PKIA: variants seen among roughly 807,000 people sequenced by gnomAD.
PKIA encodes the protein PKI-alpha.
A neutral mutation model predicts 7.6 loss-of-function variants in PKIA; 4 were observed. The observed-to-expected ratio is 0.52, with a 90% CI of 0.26 to 1.20. The LOEUF (loss-of-function observed/expected upper bound fraction) is 1.20. Ranked by LOEUF, PKIA falls within the 50% of genes most tolerant of loss-of-function variation. The pLI is 0.13. For synonymous variants in PKIA, 21 were observed against 30.7 expected (o/e 0.68, Z 1.04); for missense variants, 73 against 86.2 (o/e 0.85, Z 0.61).
At chr8:78,537,140 C>G (rs1176127876) in intron 1 of PKIA, among the ~76,000 whole-genome samples, 1 of 150,888 alleles carries the variant, frequency 6.6e-6, no homozygotes. Flanking sequence ...CAGCTCTTTT[C>G]TTCCCAAAAT....
intron 2 of PKIA, among the ~76,000 whole-genome samples, chr8:78,577,386 T>C (rs1361315493): frequency 2.0e-5 from 3 of 151,850 alleles, no homozygotes; most frequent in Non-Finnish European, 4.4e-5. Flanking sequence ...AAGATAACTG[T>C]TGGATACTAG....
intron 1 of PKIA, among the ~76,000 whole-genome samples, chr8:78,553,156 G>T (rs956899475): frequency 1.3e-5 from 2 of 150,944 alleles, no homozygotes; most frequent in African/African-American, 4.9e-5. Flanking sequence ...TTTGACATTG[G>T]CTGACTTTAT....
chr8:78,597,197 T>A (rs988208374), intron 2 of PKIA, among the ~76,000 whole-genome samples: 4 of 152,018 alleles, frequency 2.6e-5, no homozygotes, highest in African/African-American at 4.8e-5. Context: ...TTTCAGAAAA[T>A]TTTTTTTCTA....
At chr8:78,537,818 A>C (rs975206421) in intron 1 of PKIA, among the ~76,000 whole-genome samples, 1 of 152,000 alleles carries the variant, frequency 6.6e-6, no homozygotes. Context: ...TACTGCCTCA[A>C]ATGGGCCTTC....
chr8:78,551,390 T>C (rs181572071), intron 1 of PKIA, among the ~76,000 whole-genome samples: 14 of 152,090 alleles, frequency 9.2e-5, no homozygotes, highest in Admixed American at 2.6e-4. Context: ...AGAAAAGTAT[T>C]ACAGGCTCCA....
chr8:78,517,793 G>A (rs1019224453), intron 1 of PKIA, among the ~76,000 whole-genome samples: 7 of 152,122 alleles, frequency 4.6e-5, no homozygotes, highest in Non-Finnish European at 1.0e-4. Context: ...GGCTGTTATG[G>A]GGATTGCAAA....
chr8:78,523,927 T>C (rs1161120564), intron 1 of PKIA, among the ~76,000 whole-genome samples: 1 of 141,458 alleles, frequency 7.1e-6, no homozygotes. Context: ...TTTATATATA[T>C]ATAAATATAT....
chr8:78,539,900 A>T (rs986652994), intron 1 of PKIA, among the ~76,000 whole-genome samples: 4 of 152,104 alleles, frequency 2.6e-5, no homozygotes, highest in African/African-American at 9.7e-5. Context: ...CTACAGTTTT[A>T]TGTGAGAGAA....
intron 2 of PKIA, among the ~76,000 whole-genome samples, chr8:78,577,008 A>C (rs569101108): frequency 1.3e-5 from 2 of 152,182 alleles, no homozygotes; most frequent in South Asian, 4.1e-4. Context: ...GCCATAAAAA[A>C]GAATGAGATA....
intron 1 of PKIA, chr8:78,558,403 A>C (rs1356628622): frequency 1.3e-5 from 2 of 153,648 alleles, no homozygotes; most frequent in African/African-American, 4.8e-5. Flanking sequence ...TGGGAAGAAA[A>C]AGAGGCTTAA....
intron 2 of PKIA, among the ~76,000 whole-genome samples, chr8:78,589,426 A>G (rs1808039640): frequency 6.6e-6 from 1 of 152,224 alleles, no homozygotes; most frequent in Non-Finnish European, 1.5e-5. Context: ...AACATTTTAA[A>G]CATTTACAGG....
At chr8:78,526,382 T>C (rs560920947) in intron 1 of PKIA, among the ~76,000 whole-genome samples, 1 of 152,160 alleles carries the variant, frequency 6.6e-6, no homozygotes, top group East Asian at 1.9e-4. Context: ...CCTTATTTTC[T>C]TTGAATTGTA....
intron 2 of PKIA, among the ~76,000 whole-genome samples, chr8:78,591,674 C>A (rs1808099892): frequency 6.6e-6 from 1 of 152,096 alleles, no homozygotes; most frequent in Non-Finnish European, 1.5e-5. Flanking sequence ...TTTTCCCTAT[C>A]CCATAAGGCT....
chr8:78,592,980 A>G (rs1808137838), intron 2 of PKIA, among the ~76,000 whole-genome samples: 1 of 152,212 alleles, frequency 6.6e-6, no homozygotes, highest in Non-Finnish European at 1.5e-5. Flanking sequence ...ATATACCCAT[A>G]GTTTAAGTCA....
intron 1 of PKIA, among the ~76,000 whole-genome samples, chr8:78,557,335 GTGCCCA>G: frequency 6.6e-6 from 1 of 152,098 alleles, no homozygotes; most frequent in South Asian, 2.1e-4. Context: ...CACTCAATTT[GTGCCCA>G]TGGATAAGAC....
At chr8:78,595,565 T>C (rs1457202372) in intron 2 of PKIA, among the ~76,000 whole-genome samples, 1 of 152,206 alleles carries the variant, frequency 6.6e-6, no homozygotes, top group Admixed American at 6.5e-5. Context: ...CTATAGTTTT[T>C]TGATCCTCAC....
chr8:78,528,158 GA>G (rs892269146), intron 1 of PKIA, among the ~76,000 whole-genome samples: 3 of 152,130 alleles, frequency 2.0e-5, no homozygotes, highest in Non-Finnish European at 2.9e-5. Flanking sequence ...GGACATAGGC[GA>G]AAAATACTAA....
intron 1 of PKIA, among the ~76,000 whole-genome samples, chr8:78,543,051 C>A (rs1806735829): frequency 6.6e-6 from 1 of 152,172 alleles, no homozygotes; most frequent in Admixed American, 6.6e-5. Flanking sequence ...TCTTTCAGTG[C>A]CCTCTCAGAA....
intron 2 of PKIA, among the ~76,000 whole-genome samples, chr8:78,592,625 C>T (rs1196604169): frequency 6.6e-6 from 1 of 152,112 alleles, no homozygotes. Context: ...TCATTTCTTC[C>T]TTCATGTGTT....
Sources: gnomAD v4.1 joint callset for allele counts (sites outside exome capture counted in the v4.1 genomes callset) on GRCh38, gnomAD v4.1.1 for gene constraint, MANE v1.5 for transcripts, NCBI Gene and HGNC (gene_info 2026-07-23, HGNC 2026-07-21) for gene names.